SOX5: variants seen among roughly 807,000 people sequenced by gnomAD.
SOX5 encodes transcription factor SOX-5.
A neutral mutation model predicts 92.0 loss-of-function variants in SOX5; 9 were observed. That is an observed-to-expected ratio of 0.10 (90% CI 0.06 to 0.17). The LOEUF (loss-of-function observed/expected upper bound fraction) is 0.17. SOX5 is among the 10% of genes least tolerant of loss of function. The pLI, the probability that SOX5 is intolerant of heterozygous loss-of-function variation, is 1.00. For missense variants in SOX5, 642 were observed against 944.5 expected (o/e 0.68, Z 4.20); for synonymous variants, 344 against 336.3 (o/e 1.02, Z -0.25).
intron 1 of SOX5, among the ~76,000 whole-genome samples, chr12:23,901,445 G>T (rs115660967): frequency 1.0e-3 from 154 of 152,292 alleles, no homozygotes; most frequent in African/African-American, 3.6e-3. Context: ...ATATATCATT[G>T]ATTTAAGCAC....
chr12:23,931,831 A>G (rs183602164), intron 1 of SOX5, among the ~76,000 whole-genome samples: 22 of 151,740 alleles, frequency 1.4e-4, no homozygotes, highest in Non-Finnish European at 2.8e-4. Context: ...ACACTTATAC[A>G]ATGTCATGTT....
intron 4 of SOX5, among the ~76,000 whole-genome samples, chr12:23,743,562 A>G (rs544767285): frequency 1.3e-5 from 2 of 152,132 alleles, no homozygotes; most frequent in Non-Finnish European, 2.9e-5. Flanking sequence ...CTCCCGCCTC[A>G]GCCTCTCAAA....
At chr12:23,775,829 C>A (rs1006329915) in intron 3 of SOX5, among the ~76,000 whole-genome samples, 10 of 152,114 alleles carry the variant, frequency 6.6e-5, no homozygotes, top group Admixed American at 2.0e-4. Flanking sequence ...TTATTCATAT[C>A]TTAACTCATA....
At chr12:24,385,486 G>A (rs979430049) in intron 1 of SOX5, among the ~76,000 whole-genome samples, 1 of 152,068 alleles carries the variant, frequency 6.6e-6, no homozygotes. Flanking sequence ...TGTATGTCGG[G>A]AGCATCTGAT....
chr12:24,029,744 G>T (rs1452534206), intron 4 of SOX5, among the ~76,000 whole-genome samples: 3 of 151,948 alleles, frequency 2.0e-5, no homozygotes, highest in African/African-American at 7.2e-5. Context: ...GTTCATGAAA[G>T]AAGAAGGAAT....
At chr12:23,963,340 A>G (rs1257258033) in intron 4 of SOX5, among the ~76,000 whole-genome samples, 2 of 152,218 alleles carry the variant, frequency 1.3e-5, no homozygotes, top group African/African-American at 2.4e-5. Context: ...CTTATGTTCT[A>G]TTACTTCAAA....
intron 3 of SOX5, among the ~76,000 whole-genome samples, chr12:24,255,023 A>G (rs927861617): frequency 6.6e-6 from 1 of 152,154 alleles, no homozygotes; most frequent in Non-Finnish European, 1.5e-5. Context: ...ACAAGAAAAG[A>G]AAGCAATGCA....
intron 2 of SOX5, among the ~76,000 whole-genome samples, chr12:24,327,626 C>A (rs1199936630): frequency 6.6e-6 from 1 of 151,668 alleles, no homozygotes; most frequent in Non-Finnish European, 1.5e-5. Context: ...CTCTGTCCCC[C>A]AGGCTGGAGT....
intron 2 of SOX5, among the ~76,000 whole-genome samples, chr12:24,321,007 G>A (rs894663001): frequency 4.6e-5 from 7 of 152,186 alleles, no homozygotes; most frequent in Non-Finnish European, 1.0e-4. Context: ...AGTAGCATCT[G>A]TAGGTTGTGA....
intron 1 of SOX5, chr12:23,920,162 A>G (rs1004526541): frequency 2.0e-5 from 3 of 152,332 alleles, no homozygotes; most frequent in African/African-American, 7.2e-5. Context: ...AAAACCCCAC[A>G]AAAGTTAGTT....
rs565930559 is a variant in SOX5 at position 24,496,602 on chromosome 12, G to A, written c.-251+65727C>T. Among the ~76,000 whole-genome samples the A allele has an allele frequency of 4.7e-4, 72 of 152,224 alleles. No individual in the cohort carries two copies. In the South Asian group the frequency reaches 0.014, roughly 30 times the overall value. ...ACAACTATACAAAAAAGCCTAGAGG[G>A]ATTTTTCTATTTGGCTGGTTAAAAT... is the stretch of plus-strand genomic sequence containing the variant. On this transcript the variant is annotated intron_variant, in intron 1 of 4. Transcript: ENST00000446891.
At chr12:24,299,871 T>C (rs1051249191) in intron 2 of SOX5, among the ~76,000 whole-genome samples, 2 of 152,236 alleles carry the variant, frequency 1.3e-5, no homozygotes, top group Non-Finnish European at 2.9e-5. Context: ...CGTTATTTGA[T>C]GACCCCTTAC....
chr12:23,790,611 T>C (rs1022891893), intron 3 of SOX5, among the ~76,000 whole-genome samples: 6 of 151,404 alleles, frequency 4.0e-5, no homozygotes, highest in Admixed American at 2.6e-4. Flanking sequence ...TTCTTTTCAA[T>C]TGATACATTT....
intron 3 of SOX5, among the ~76,000 whole-genome samples, chr12:23,781,133 A>C (rs1291148906): frequency 6.6e-6 from 1 of 152,070 alleles, no homozygotes; most frequent in African/African-American, 2.4e-5. Context: ...AACAGTCCCC[A>C]TATTTTGGAA....
chr12:23,932,939 A>G (rs189903558), intron 1 of SOX5, among the ~76,000 whole-genome samples: 6 of 151,786 alleles, frequency 4.0e-5, no homozygotes, highest in Admixed American at 1.3e-4. Flanking sequence ...TTTAAGTAAT[A>G]TTCTCATATT....
chr12:24,175,518 C>T (rs1313378169), intron 4 of SOX5, among the ~76,000 whole-genome samples: 1 of 152,228 alleles, frequency 6.6e-6, no homozygotes, highest in Non-Finnish European at 1.5e-5. Context: ...CACAAATACA[C>T]ACAGACACAC....
chr12:24,470,059 C>T (rs1219071966), intron 1 of SOX5, among the ~76,000 whole-genome samples: 1 of 152,186 alleles, frequency 6.6e-6, no homozygotes, highest in African/African-American at 2.4e-5. Flanking sequence ...GCTAATATTA[C>T]AAGCCATAGA....
intron 3 of SOX5, among the ~76,000 whole-genome samples, chr12:23,802,612 G>GTGACACC (rs1165590965): frequency 6.6e-6 from 1 of 151,832 alleles, no homozygotes; most frequent in Non-Finnish European, 1.5e-5. Context: ...ATACGGAATT[G>GTGACACC]TGACACCCTC....
At chr12:24,212,372 G>A (rs1310045120) in intron 4 of SOX5, 1 of 531,872 alleles carries the variant, frequency 1.9e-6, no homozygotes, top group Admixed American at 2.0e-5. Flanking sequence ...TCACACTGAA[G>A]GACAAAGACA....
Sources: allele counts gnomAD v4.1 joint callset (sites outside exome capture counted in the v4.1 genomes callset), GRCh38; gene constraint gnomAD v4.1.1; transcripts MANE v1.5; gene names NCBI Gene and HGNC (gene_info 2026-07-23, HGNC 2026-07-21).